The following DIP2C variants were observed in gnomAD, a reference collection of about 807,000 sequenced individuals.
DIP2C encodes the protein disco-interacting protein 2 homolog C.
A neutral mutation model predicts 192.4 loss-of-function variants in DIP2C; 33 were observed. That is an observed-to-expected ratio of 0.17 (90% CI 0.13 to 0.23). The LOEUF (loss-of-function observed/expected upper bound fraction) is 0.23, where lower values mean the gene tolerates loss of function less well. Among genes scored for constraint, DIP2C ranks in the 10% least tolerant of loss-of-function variants. DIP2C has a pLI of 1.00. For missense variants in DIP2C, 1,537 were observed against 2,110.1 expected, an observed-to-expected ratio of 0.73 and a Z score of 5.32; for synonymous variants, 979 against 864.1, an observed-to-expected ratio of 1.13 and a Z score of -2.33.
intron 32 of DIP2C, among the ~76,000 whole-genome samples, chr10:301,991 C>T (rs1192228325): frequency 7.0e-6 from 1 of 142,862 alleles, no homozygotes; most frequent in African/African-American, 2.7e-5. Flanking sequence ...TTCAAGTAGA[C>T]TGCAAGTTCT....
At chr10:377,903 C>T (rs1037896411) in intron 17 of DIP2C, among the ~76,000 whole-genome samples, 14 of 151,984 alleles carry the variant, frequency 9.2e-5, no homozygotes, top group African/African-American at 3.1e-4. Context: ...TCAGGGTATC[C>T]AAATAGTACT....
intron 30 of DIP2C, among the ~76,000 whole-genome samples, chr10:327,870 A>T (rs1957343824): frequency 6.6e-6 from 1 of 152,234 alleles, no homozygotes; most frequent in African/African-American, 2.4e-5. Context: ...CACCAAATTC[A>T]GTCAGCCGAG....
chr10:681,324 C>G (rs555617044), intron 1 of DIP2C, among the ~76,000 whole-genome samples: 1 of 151,460 alleles, frequency 6.6e-6, no homozygotes, highest in African/African-American at 2.4e-5. Context: ...ATGGTATGGC[C>G]ACCGCCTGTG....
In DIP2C at chr10:415,808, G is replaced by A; in HGVS notation, c.820C>T (p.Arg274Ter). The A allele has an allele frequency of 6.2e-7, 1 of 1,613,938 alleles. No individual in the cohort carries two copies. The highest frequency in any genetic ancestry group is 1.1e-5 in the South Asian group (1 of 91,058). ...TCAAAGTCATCGACAAAGAATTCTC[G>A]TAAAGGTGGTCGTTTCGGTCGTTTG... ...TLKRPKRPPL[R>*]EFFVDDFEEL... Residue 274 changes from arginine to a stop codon, truncating the protein, a stop_gained, in exon 7 of 37, where the codon CGA (arginine) becomes TGA (stop). Coordinates refer to ENST00000280886, the MANE Select transcript of DIP2C (RefSeq NM_014974.3). LOFTEE classifies it high-confidence loss of function.
chr10:673,218 C>T (rs931879444), intron 1 of DIP2C, among the ~76,000 whole-genome samples: 7 of 152,148 alleles, frequency 4.6e-5, no homozygotes, highest in African/African-American at 1.7e-4. Context: ...GTGAGCCAGC[C>T]TTTAGAGGCC....
chr10:463,065 G>A (rs1287975875), intron 3 of DIP2C, among the ~76,000 whole-genome samples: 2 of 152,124 alleles, frequency 1.3e-5, no homozygotes, highest in African/African-American at 2.4e-5. Context: ...ATATCATACT[G>A]AATGGGCAAA....
chr10:310,286 T>C (rs1288957643), intron 31 of DIP2C, among the ~76,000 whole-genome samples, 194 bp from the exon 32 acceptor site: 1 of 152,236 alleles, frequency 6.6e-6, no homozygotes, highest in Non-Finnish European at 1.5e-5. Flanking sequence ...AGGAATATCT[T>C]ATTAGGATAA....
At chr10:650,152 A>G (rs1588676719) in intron 1 of DIP2C, 1 of 717,266 alleles carries the variant, frequency 1.4e-6, no homozygotes, top group Non-Finnish European at 2.6e-6. Flanking sequence ...CAGGAGAGAG[A>G]AGACCCCAGC....
At chr10:409,617 G>A (rs886416400) in intron 8 of DIP2C, among the ~76,000 whole-genome samples, 4 of 152,230 alleles carry the variant, frequency 2.6e-5, no homozygotes, top group Middle Eastern at 3.2e-3. Context: ...TGGGGCCACC[G>A]CAACGGTGTC....
chr10:389,773 C>T (rs1388316311), intron 13 of DIP2C, among the ~76,000 whole-genome samples: 4 of 152,256 alleles, frequency 2.6e-5, no homozygotes, highest in African/African-American at 9.6e-5. Flanking sequence ...GACCTCCGCG[C>T]TGTGCGGACA....
rs77206497 is a variant in DIP2C, at chr10:524,842, C to T, written c.86-38312G>A. On this transcript the variant is annotated intron_variant, in intron 1 of 36. Transcript: ENST00000280886. The stretch of plus-strand genomic sequence containing the variant: ...AAGAAAAACTGCTCTACAGGACTTT[C>T]GCTATTTTAAAGCGTAATGATGTCC... Among the ~76,000 whole-genome samples, 439 of 152,030 alleles carry T rather than the reference C, an allele frequency of 2.9e-3. 8 individuals are homozygous for T. The highest frequency in any genetic ancestry group is 0.01 in the African/African-American group (419 of 41,396).
chr10:346,776 G>A (rs71489242), intron 26 of DIP2C, among the ~76,000 whole-genome samples: 5,818 of 14,062 alleles, frequency 0.41, 1,982 homozygotes, highest in Non-Finnish European at 0.51. Context: ...AACGTCACAC[G>A]CACCCGGACA....
chr10:463,729 C>T (rs10904272), intron 3 of DIP2C, among the ~76,000 whole-genome samples: 65,116 of 151,972 alleles, frequency 0.43, 15,766 homozygotes, highest in East Asian at 0.64. Context: ...CATCACACTA[C>T]CTGACTTCAA....
chr10:288,724 C>T (rs1011638413), intron 32 of DIP2C, among the ~76,000 whole-genome samples: 7 of 152,336 alleles, frequency 4.6e-5, no homozygotes, highest in African/African-American at 1.4e-4. Flanking sequence ...GAAAAGAACA[C>T]GGATTACAGA....
intron 1 of DIP2C, among the ~76,000 whole-genome samples, chr10:500,239 C>T (rs1255399326): frequency 6.6e-6 from 1 of 152,264 alleles, no homozygotes; most frequent in Non-Finnish European, 1.5e-5. Flanking sequence ...TCAGAGCCAA[C>T]CCCTGGCCTG....
chr10:564,195 C>T (rs761242776), intron 1 of DIP2C, among the ~76,000 whole-genome samples: 2 of 152,100 alleles, frequency 1.3e-5, no homozygotes, highest in Non-Finnish European at 2.9e-5. Context: ...CACTAGCAGG[C>T]CCTCGGGGGA....
At chr10:379,307 G>T (rs997434285) in intron 17 of DIP2C, among the ~76,000 whole-genome samples, 1 of 147,562 alleles carries the variant, frequency 6.8e-6, no homozygotes, top group Admixed American at 6.8e-5. Flanking sequence ...GGAAGTGCCC[G>T]TGCATCCTGC....
At chr10:386,503 AGCAG>A (rs1413786058) in intron 14 of DIP2C, among the ~76,000 whole-genome samples, 3 of 152,078 alleles carry the variant, frequency 2.0e-5, no homozygotes, top group African/African-American at 7.2e-5. Context: ...TCAATCCCAA[AGCAG>A]GGGCTCCCCA....
chr10:446,979 T>C lies in DIP2C; in HGVS notation c.269-5983A>G, dbSNP rs138565923. ...ATATCCCTTTTACATATTTTGGGTT[T>C]GATGTAGTAATAATTTGTAAAAAGC... On this transcript the variant is annotated intron_variant, in intron 3 of 36. Coordinates refer to ENST00000280886, the MANE Select transcript of DIP2C (RefSeq NM_014974.3). Among the ~76,000 whole-genome samples the C allele has an allele frequency of 9.6e-4, 146 of 152,334 alleles. 3 individuals are homozygous for C. Among genetic ancestry groups the C allele is most frequent in the African/African-American group, 3.4e-3 (143 of 41,578 alleles).
Sources: allele counts gnomAD v4.1 joint callset (sites outside exome capture counted in the v4.1 genomes callset), GRCh38; gene constraint gnomAD v4.1.1; transcripts MANE v1.5; gene names NCBI Gene and HGNC (gene_info 2026-07-23, HGNC 2026-07-21).